The following MSH4 variants were observed in gnomAD, a reference collection of about 807,000 sequenced individuals.
The protein encoded by MSH4 is mutS protein homolog 4.
Under a neutral mutation model 113.7 loss-of-function variants are expected in MSH4, and 106 were observed. The ratio of observed to expected loss-of-function variants is 0.93; its 90% CI spans 0.80 to 1.10. MSH4 has a LOEUF of 1.10. Among genes scored for constraint, MSH4 ranks in the 50% least tolerant of loss-of-function variants. The pLI is 0.00. For missense variants in MSH4, 1,061 were observed against 1,093.7 expected (o/e 0.97, Z 0.42); for synonymous variants, 368 against 380.2 (o/e 0.97, Z 0.37).
chr1:75,869,692 G>A (rs1408900445), intron 9 of MSH4, among the ~76,000 whole-genome samples: 2 of 152,192 alleles, frequency 1.3e-5, no homozygotes, highest in East Asian at 3.9e-4. Context: ...TGTTGAGCCT[G>A]CAGGTGCACA....
chr1:75,825,621 A>G (rs1432249317), intron 7 of MSH4, among the ~76,000 whole-genome samples: 1 of 152,024 alleles, frequency 6.6e-6, no homozygotes, highest in African/African-American at 2.4e-5. Flanking sequence ...AGCTCTTACT[A>G]TTTTGAGATA....
intron 8 of MSH4, among the ~76,000 whole-genome samples, chr1:75,865,373 T>C (rs1651540883): frequency 6.6e-6 from 1 of 152,172 alleles, no homozygotes; most frequent in Admixed American, 6.5e-5. Context: ...AATATCTTGA[T>C]TGTACCCATG....
intron 19 of MSH4, among the ~76,000 whole-genome samples, chr1:75,908,740 TAGA>T (rs1281344148): frequency 1.3e-5 from 2 of 152,154 alleles, no homozygotes; most frequent in African/African-American, 2.4e-5. Flanking sequence ...TATGTTTGCT[TAGA>T]AGTTCTTTGC....
chr1:75,904,945 C>G (rs1271909695), intron 19 of MSH4, among the ~76,000 whole-genome samples: 1 of 151,822 alleles, frequency 6.6e-6, no homozygotes, highest in Non-Finnish European at 1.5e-5. Flanking sequence ...TGTTATGTCT[C>G]CTTTTTCATT....
chr1:75,831,850 A>G (rs901243403), intron 7 of MSH4, among the ~76,000 whole-genome samples: 2 of 152,216 alleles, frequency 1.3e-5, no homozygotes, highest in African/African-American at 4.8e-5. Context: ...TCTAAAATTG[A>G]CACCCTAACA....
chr1:75,839,308 G>T (rs1258358637), intron 7 of MSH4, among the ~76,000 whole-genome samples: 1 of 151,920 alleles, frequency 6.6e-6, no homozygotes, highest in African/African-American at 2.4e-5. Flanking sequence ...TCTGCCTCCT[G>T]GGTTCAAGCA....
intron 8 of MSH4, among the ~76,000 whole-genome samples, chr1:75,864,006 A>G (rs1369960603): frequency 6.6e-6 from 1 of 152,080 alleles, no homozygotes; most frequent in Admixed American, 6.6e-5. Flanking sequence ...CTTCCCATCC[A>G]TTATTTTCTA....
Position 75,909,321 on chromosome 1 carries a change from T to C in MSH4, c.2620-3375T>C, listed in dbSNP as rs575075097. 3.9e-5 allele frequency among the ~76,000 whole-genome samples: 6 copies of C among 152,244 alleles called. No individual in the cohort carries two copies. The South Asian group carries it at 1.0e-3, about 26-fold the overall frequency. On this transcript the variant is annotated intron_variant, in intron 19 of 19. Coordinates refer to ENST00000263187, the MANE Select transcript of MSH4 (RefSeq NM_002440.4). ...GTCTGCTCAGAGTTTTTCACTTCTC[T>C]GTCTCCCAACTATCATTTCAGCCTC...
Position 75,803,588 on chromosome 1 carries a change from G to A in MSH4, c.245-143G>A, listed in dbSNP as rs950191417. 3 of 556,476 alleles carry A rather than the reference G, an allele frequency of 5.4e-6. No homozygotes were observed. The African/African-American group carries it at 5.9e-5, about 11-fold the overall frequency. 34.5% of individuals were successfully genotyped at this position (556,476 alleles called of 1,614,324 possible). A position where few individuals can be genotyped will look rare whatever the true frequency, so the allele number is the denominator to read the frequency against. Reference sequence around the variant, plus strand: ...GCCGAGATCATGCCACTACGCTCCAGCCTGGGCGACAAGAGCAAGACTCTG... The same window carrying A: ...GCCGAGATCATGCCACTACGCTCCAACCTGGGCGACAAGAGCAAGACTCTG... On this transcript the variant is annotated intron_variant, in intron 1 of 19. Coordinates refer to ENST00000263187, the MANE Select transcript of MSH4 (RefSeq NM_002440.4).
intron 7 of MSH4, among the ~76,000 whole-genome samples, chr1:75,846,223 T>A (rs1171269767): frequency 6.6e-6 from 1 of 152,244 alleles, no homozygotes; most frequent in Non-Finnish European, 1.5e-5. Flanking sequence ...ATTGTTTTCA[T>A]GAATAGAACC....
chr1:75,912,350 G>A (rs1270610320), intron 19 of MSH4, among the ~76,000 whole-genome samples: 3 of 151,998 alleles, frequency 2.0e-5, no homozygotes, highest in Admixed American at 1.3e-4. Context: ...GAAAGTGTTT[G>A]TAGAGTCTAT....
chr1:75,820,873 C>T (rs1650393358), intron 6 of MSH4, among the ~76,000 whole-genome samples: 1 of 151,390 alleles, frequency 6.6e-6, no homozygotes, highest in South Asian at 2.1e-4. Flanking sequence ...AATATATATG[C>T]ACCCAATACA....
intron 7 of MSH4, among the ~76,000 whole-genome samples, chr1:75,824,486 C>G (rs112136779): frequency 2.4e-4 from 36 of 152,014 alleles, no homozygotes; most frequent in African/African-American, 8.5e-4. Flanking sequence ...ATTGATCCCA[C>G]TTGTCAATTT....
intron 15 of MSH4, among the ~76,000 whole-genome samples, chr1:75,885,981 T>C (rs1272363411): frequency 9.4e-6 from 1 of 106,820 alleles, no homozygotes; most frequent in Non-Finnish European, 1.7e-5. Context: ...GTATAGTATA[T>C]ATGATGTATT....
chr1:75,821,358 G>A (rs1392444743), intron 6 of MSH4, among the ~76,000 whole-genome samples: 23 of 151,004 alleles, frequency 1.5e-4, no homozygotes, highest in African/African-American at 4.7e-4. Context: ...TGAAACCAAC[G>A]AGAACAAAGA....
At chr1:75,880,784 ATG>A (rs1651913951) in intron 13 of MSH4, among the ~76,000 whole-genome samples, 1 of 151,950 alleles carries the variant, frequency 6.6e-6, no homozygotes, top group Non-Finnish European at 1.5e-5. Flanking sequence ...GTCTGTGTGC[ATG>A]TGTGTGAGTG....
chr1:75,882,451 A>T (rs189979597), intron 14 of MSH4, among the ~76,000 whole-genome samples: 180 of 152,142 alleles, frequency 1.2e-3, no homozygotes, highest in African/African-American at 4.3e-3. Flanking sequence ...GGTGGTATCC[A>T]TAGAGACCTG....
intron 18 of MSH4, among the ~76,000 whole-genome samples, chr1:75,898,377 G>A (rs769742059): frequency 6.6e-6 from 1 of 151,972 alleles, no homozygotes; most frequent in Non-Finnish European, 1.5e-5. Flanking sequence ...ATATTTGCAA[G>A]TTATATAATG....
intron 2 of MSH4, 75 bp from the exon 3 acceptor site, chr1:75,806,906 A>T: frequency 7.4e-7 from 1 of 1,342,562 alleles, no homozygotes; most frequent in Non-Finnish European, 9.9e-7. Context: ...TTGATTAAGA[A>T]TTTCCTAGTT....
Sources: allele counts gnomAD v4.1 joint callset (sites outside exome capture counted in the v4.1 genomes callset), GRCh38; gene constraint gnomAD v4.1.1; transcripts MANE v1.5; gene names NCBI Gene and HGNC (gene_info 2026-07-23, HGNC 2026-07-21).